VWA5B1: variants seen among roughly 807,000 people sequenced by gnomAD.
VWA5B1 encodes von Willebrand factor A domain containing 5B1.
Under a neutral mutation model 118.2 loss-of-function variants are expected in VWA5B1, and 115 were observed. The ratio of observed to expected loss-of-function variants is 0.97; its 90% confidence interval spans 0.84 to 1.14. The LOEUF (loss-of-function observed/expected upper bound fraction) is 1.14. VWA5B1 is among the 50% of genes most tolerant of loss of function. The pLI, the probability that VWA5B1 is intolerant of heterozygous loss-of-function variation, is 0.00. For synonymous variants in VWA5B1, 682 were observed against 658.4 expected, an observed-to-expected ratio of 1.04 and a Z score of -0.55; for missense variants, 1,596 against 1,603.8, an observed-to-expected ratio of 1.00 and a Z score of 0.08.
chr1:20,340,618 T>C (rs1156601802), intron 14 of VWA5B1, among the ~76,000 whole-genome samples: 1 of 152,204 alleles, frequency 6.6e-6, no homozygotes, highest in African/African-American at 2.4e-5. Context: ...CCTCATCCCC[T>C]CCCCCTACCA....
Position 20,314,360 on chromosome 1 carries a change from T to C in VWA5B1, c.331T>C (p.Ser111Pro), listed in dbSNP as rs1469793172. ...LQDGVSIAPHSCTPGKVTLDE... is the reference protein window; with the variant it reads ...LQDGVSIAPHPCTPGKVTLDE... Reference sequence around the variant, plus strand: ...AGACGGGGTTTCCATAGCCCCTCATTCCTGCACACCGGGAAAGGTGACCTT... The same window carrying C: ...AGACGGGGTTTCCATAGCCCCTCATCCCTGCACACCGGGAAAGGTGACCTT... Residue 111 changes from serine (S) to proline (P), a missense_variant, in exon 4 of 22, where the codon TCC becomes CCC. By Grantham distance (74) the Ser-to-Pro change is moderately conservative (BLOSUM62 -1). Coordinates refer to ENST00000289815, the MANE Select transcript of VWA5B1 (RefSeq NM_001039500.3). 1.9e-6 allele frequency: 3 copies of C among 1,551,980 alleles called. No individual in the cohort carries two copies. The South Asian group carries it at 3.6e-5, about 18-fold the overall frequency.
intron 1 of VWA5B1, among the ~76,000 whole-genome samples, chr1:20,297,457 C>A (rs766962949): frequency 3.3e-5 from 5 of 152,218 alleles, no homozygotes; most frequent in African/African-American, 7.2e-5. Context: ...AAGCCAGAGG[C>A]ACATCTAGGC....
In VWA5B1 at chr1:20,343,062, T is replaced by C. The variant is rs1233307237; in HGVS notation, c.2312-17T>C. ...CCCCCAGGTCAGCGCTTGGCCCACT[T>C]GTCCCTCTGCCCGCAGAGCCGTCCC... is the stretch of plus-strand genomic sequence containing the variant. On this transcript the variant is annotated splice_polypyrimidine_tract_variant and intron_variant, in intron 15 of 21. Coordinates refer to ENST00000289815, the MANE Select transcript of VWA5B1 (RefSeq NM_001039500.3). 1 of 1,495,972 alleles carries C rather than the reference T, an allele frequency of 6.7e-7. No individual in the cohort carries two copies. Among genetic ancestry groups the C allele is most frequent in the South Asian group, 1.3e-5 (1 of 76,252 alleles). The allele number at this position is 1,495,972 out of a possible 1,614,324, so 92.7% of individuals were successfully genotyped here.
At chr1:20,321,339 C>T (rs1478069823) in intron 7 of VWA5B1, among the ~76,000 whole-genome samples, 1 of 152,214 alleles carries the variant, frequency 6.6e-6, no homozygotes, top group Admixed American at 6.5e-5. Flanking sequence ...GCAATCGCAG[C>T]ACTCTGGGAG....
At position 20,357,450 on chromosome 1, in the gene VWA5B1, T is replaced by C. The variant is rs1261678550; in HGVS notation, c.*3187T>C. On this transcript the variant is annotated 3_prime_UTR_variant, in exon 22 of 22. Coordinates refer to ENST00000289815, the MANE Select transcript of VWA5B1 (RefSeq NM_001039500.3). ...AACCTGACCCGTTAATATGTTACTG[T>C]GCGTTGTCAGGCTCCGAGCAGGTGA... is the stretch of plus-strand genomic sequence containing the variant. 6.6e-6 allele frequency among the ~76,000 whole-genome samples: 1 copy of C among 152,206 alleles called. No individual in the cohort carries two copies. The highest frequency in any genetic ancestry group is 1.5e-5 in the Non-Finnish European group (1 of 68,048).
In VWA5B1 at chr1:20,330,299, G is replaced by T. The variant is rs1332394271; in HGVS notation, c.1374G>T (p.Arg458=). 2 of 1,551,806 alleles carry T rather than the reference G, an allele frequency of 1.3e-6. No individual in the cohort carries two copies. Among genetic ancestry groups the T allele is most frequent in the South Asian group, 2.4e-5 (2 of 84,052 alleles). Residue 458 remains arginine, a synonymous_variant, in exon 10 of 22, where the codon CGG becomes CGT. Transcript: ENST00000289815. ...IRQPVHRGHP[R]LLFVITDGAV... Reference sequence around the variant, plus strand: ...AGCCAGTGCACCGAGGCCACCCGCGGCTCCTCTTCGTGATCACAGATGGCG... The same window carrying T: ...AGCCAGTGCACCGAGGCCACCCGCGTCTCCTCTTCGTGATCACAGATGGCG...
rs2090252994 is a variant in VWA5B1, at chr1:20,357,628, G to T, written c.*3365G>T. Among the ~76,000 whole-genome samples, 1 of 152,176 alleles carries T rather than the reference G, an allele frequency of 6.6e-6. No individual in the cohort carries two copies. Among genetic ancestry groups the T allele is most frequent in the South Asian group, 2.1e-4 (1 of 4,826 alleles). Reference sequence around the variant, plus strand: ...TGGGGTACCACAGTGAACATACGAGGTGCTGTCCCTGTCCTTTTTGGAGCT... The same window carrying T: ...TGGGGTACCACAGTGAACATACGAGTTGCTGTCCCTGTCCTTTTTGGAGCT... On this transcript the variant is annotated 3_prime_UTR_variant, in exon 22 of 22. Coordinates refer to ENST00000289815, the MANE Select transcript of VWA5B1 (RefSeq NM_001039500.3).
chr1:20,321,129 A>AC (rs2089201394), intron 7 of VWA5B1, among the ~76,000 whole-genome samples: 3 of 150,802 alleles, frequency 2.0e-5, no homozygotes, highest in Non-Finnish European at 4.4e-5. Context: ...AAAAAAAAAA[A>AC]CACGAAAAGA....
rs542065054 is a variant in VWA5B1, at chr1:20,296,314, G to A, written c.-27+5226G>A. On this transcript the variant is annotated intron_variant, in intron 1 of 21. Coordinates refer to ENST00000289815, the MANE Select transcript of VWA5B1 (RefSeq NM_001039500.3). Reference sequence around the variant, plus strand: ...AATACCCATGTCCATCAGTTTCTCCGTCAGGTGGGGTAAGCAGCTGATTAT... The same window carrying A: ...AATACCCATGTCCATCAGTTTCTCCATCAGGTGGGGTAAGCAGCTGATTAT... 8.5e-5 allele frequency among the ~76,000 whole-genome samples: 13 copies of A among 152,300 alleles called. 1 individual carries two copies. The highest frequency in any genetic ancestry group is 6.5e-4 in the Admixed American group (10 of 15,296).
rs1422256508 is a variant in VWA5B1, at chr1:20,323,433, C to T, written c.1044C>T (p.Leu348=). 11 of 1,538,552 alleles carry T rather than the reference C, an allele frequency of 7.1e-6. No homozygotes were observed. Among genetic ancestry groups the T allele is most frequent in the Non-Finnish European group, 9.6e-6 (11 of 1,141,344 alleles). Residue 348 remains leucine (L), a synonymous_variant, in exon 8 of 22, where the codon CTC becomes CTT. Transcript: ENST00000289815. ...TCATGCTCAACTTCTGTCCCGACCT[C>T]CAGTCAGTCCAGCCGTGCCTGAGAA... is the stretch of plus-strand genomic sequence containing the variant. The part of the protein sequence containing the change: ...SVIMLNFCPD[L]QSVQPCLRKA...
rs937506002 is a variant in VWA5B1 at position 20,356,674 on chromosome 1, C to T, written c.*2411C>T. 4.6e-5 allele frequency among the ~76,000 whole-genome samples: 7 copies of T among 152,230 alleles called. No homozygotes were observed. The highest frequency in any genetic ancestry group is 1.2e-4 in the African/African-American group (5 of 41,448). ...AAAGTTCCTCAGACTGCTCCCGCAC[C>T]GGCCACTGGAGCTCTGCAACATGTT... is the stretch of plus-strand genomic sequence containing the variant. On this transcript the variant is annotated 3_prime_UTR_variant, in exon 22 of 22. Transcript: ENST00000289815.
chr1:20,339,399 G>C (rs1340886761), intron 14 of VWA5B1, among the ~76,000 whole-genome samples: 1 of 151,946 alleles, frequency 6.6e-6, no homozygotes, highest in African/African-American at 2.4e-5. Context: ...AAAATTAGCC[G>C]GGTGTGGTGG....
chr1:20,314,675 G>A (rs745728325), intron 4 of VWA5B1, 83 bp downstream of exon 4: 268 of 1,491,562 alleles, frequency 1.8e-4, no homozygotes, highest in Non-Finnish European at 2.3e-4. Context: ...GGGACAGGGT[G>A]GGGGGAGACA....
intron 14 of VWA5B1, among the ~76,000 whole-genome samples, chr1:20,339,774 C>G (rs1473105905): frequency 6.6e-6 from 1 of 152,180 alleles, no homozygotes; most frequent in South Asian, 2.1e-4. Context: ...TGAGGGACCA[C>G]TTGATGCAAT....
At chr1:20,337,559 G>A in intron 13 of VWA5B1, 87 bp from the exon 14 acceptor site, 1 of 1,403,904 alleles carries the variant, frequency 7.1e-7, no homozygotes, top group Admixed American at 2.5e-5. Context: ...GAGAACGTGA[G>A]ACACTTCCAA....
In VWA5B1 at chr1:20,357,431, A is replaced by G. The variant is rs1219859516; in HGVS notation, c.*3168A>G. 6.6e-6 allele frequency among the ~76,000 whole-genome samples: 1 copy of G among 152,162 alleles called. No individual in the cohort carries two copies. The highest frequency in any genetic ancestry group is 2.1e-4 in the South Asian group (1 of 4,828). On this transcript the variant is annotated 3_prime_UTR_variant, in exon 22 of 22. Coordinates refer to ENST00000289815, the MANE Select transcript of VWA5B1 (RefSeq NM_001039500.3). Reference sequence around the variant, plus strand: ...AACTTCTTTAGATTAGGACAACCTGACCCGTTAATATGTTACTGTGCGTTG... The same window carrying G: ...AACTTCTTTAGATTAGGACAACCTGGCCCGTTAATATGTTACTGTGCGTTG...
intron 1 of VWA5B1, among the ~76,000 whole-genome samples, chr1:20,291,675 T>A (rs1345920059): frequency 6.6e-6 from 1 of 152,048 alleles, no homozygotes; most frequent in Non-Finnish European, 1.5e-5. Context: ...GCAGCCGGGC[T>A]CATGCCTGCT....
chr1:20,332,987 C>T, intron 12 of VWA5B1, 36 bp downstream of exon 12: 1 of 1,544,098 alleles, frequency 6.5e-7, no homozygotes, highest in Non-Finnish European at 8.8e-7. Flanking sequence ...TCCGTGTGGG[C>T]CCAGAACCCA....
At chr1:20,337,324 C>T (rs556483579) in intron 13 of VWA5B1, among the ~76,000 whole-genome samples, 1 of 152,060 alleles carries the variant, frequency 6.6e-6, no homozygotes, top group African/African-American at 2.4e-5. Context: ...GACAGGGTTT[C>T]GCCATGTAGC....
Sources: gnomAD v4.1 joint callset for allele counts (sites outside exome capture counted in the v4.1 genomes callset) on GRCh38, gnomAD v4.1.1 for gene constraint, MANE v1.5 for transcripts, NCBI Gene and HGNC (gene_info 2026-07-23, HGNC 2026-07-21) for gene names.